The following SPATS2 variants were observed in gnomAD, a reference collection of about 807,000 sequenced individuals.
SPATS2 encodes the protein spermatogenesis-associated serine-rich protein 2.
Under a neutral mutation model 63.7 loss-of-function variants are expected in SPATS2, and 38 were observed. That is an observed-to-expected ratio of 0.60 (90% CI 0.46 to 0.78). The LOEUF (loss-of-function observed/expected upper bound fraction) is 0.78, where lower values mean the gene tolerates loss of function less well. SPATS2 is among the 30% of genes least tolerant of loss of function. The pLI, the probability that SPATS2 is intolerant of heterozygous loss-of-function variation, is 0.00. For synonymous variants in SPATS2, 207 were observed against 232.9 expected, an observed-to-expected ratio of 0.89 and a Z score of 1.01; for missense variants, 588 against 666.2, an observed-to-expected ratio of 0.88 and a Z score of 1.29.
In SPATS2 at chr12:49,373,818, G is replaced by A. The variant is rs1043038886; in HGVS notation, c.-244+2528G>A. On this transcript the variant is annotated intron_variant, in intron 2 of 13. Transcript: ENST00000552918. ...CATACACCTGTAGTCGCAGCTACTC[G>A]GGAGGCAGAAGAATTGCTTGAACCC... Among the ~76,000 whole-genome samples the A allele has an allele frequency of 9.9e-5, 15 of 152,168 alleles. No individual in the cohort carries two copies. The South Asian group carries it at 1.9e-3, about 19-fold the overall frequency.
intron 2 of SPATS2, among the ~76,000 whole-genome samples, chr12:49,416,363 T>C (rs781536936): frequency 1.3e-5 from 2 of 152,168 alleles, no homozygotes; most frequent in Non-Finnish European, 2.9e-5. Context: ...CCTTAACAGC[T>C]GGTGTTTCCA....
At chr12:49,400,596 A>G (rs1944588540) in intron 2 of SPATS2, among the ~76,000 whole-genome samples, 2 of 152,214 alleles carry the variant, frequency 1.3e-5, no homozygotes, top group Admixed American at 1.3e-4. Context: ...GTTCATCTAC[A>G]GTGCATAACA....
intron 2 of SPATS2, among the ~76,000 whole-genome samples, chr12:49,402,567 G>T (rs776160991): frequency 5.3e-5 from 8 of 152,142 alleles, no homozygotes; most frequent in African/African-American, 1.9e-4. Flanking sequence ...CGAGATTGTC[G>T]TATGAGAGGT....
chr12:49,368,841 T>C (rs1382290198), intron 1 of SPATS2, among the ~76,000 whole-genome samples: 1 of 152,194 alleles, frequency 6.6e-6, no homozygotes, highest in African/African-American at 2.4e-5. Context: ...GCATTAAGTT[T>C]TGCTGACTCA....
At chr12:49,390,251 A>G (rs1205567454) in intron 2 of SPATS2, 5 of 788,734 alleles carry the variant, frequency 6.3e-6, no homozygotes, top group Middle Eastern at 4.1e-4. Flanking sequence ...TCAATCCATT[A>G]TTTTTTTCTC....
At chr12:49,374,889 AG>A (rs1293948866) in intron 2 of SPATS2, among the ~76,000 whole-genome samples, 1 of 134,906 alleles carries the variant, frequency 7.4e-6, no homozygotes, top group Non-Finnish European at 1.5e-5. Context: ...TGAACCTGGC[AG>A]GCGGAGGTTG....
At chr12:49,446,237 G>T (rs1945508942) in intron 2 of SPATS2, among the ~76,000 whole-genome samples, 1 of 152,154 alleles carries the variant, frequency 6.6e-6, no homozygotes, top group African/African-American at 2.4e-5. Context: ...TCTTTGTCTG[G>T]TTGCAGTATC....
In SPATS2 at chr12:49,476,501, G is replaced by T. The variant is rs528288848; in HGVS notation, c.26-8089G>T. Reference sequence around the variant, plus strand: ...CCTCTGTCCCTGTGATAAGACAGGGGTCTAATTGACACAACACAAGCTGCC... The same window carrying T: ...CCTCTGTCCCTGTGATAAGACAGGGTTCTAATTGACACAACACAAGCTGCC... On this transcript the variant is annotated intron_variant, in intron 3 of 13. Coordinates refer to ENST00000552918, the MANE Select transcript of SPATS2 (RefSeq NM_023071.4). Among the ~76,000 whole-genome samples the T allele has an allele frequency of 4.5e-4, 69 of 152,270 alleles. 1 individual carries two copies. In the East Asian group the frequency reaches 0.012, roughly 26 times the overall value.
chr12:49,408,545 G>A (rs1030228718), intron 2 of SPATS2, among the ~76,000 whole-genome samples: 1 of 146,180 alleles, frequency 6.8e-6, no homozygotes. Flanking sequence ...GAGCCACTGT[G>A]CCTGGCCTTT....
chr12:49,405,419 T>G (rs114973449), intron 2 of SPATS2, among the ~76,000 whole-genome samples: 1 of 152,156 alleles, frequency 6.6e-6, no homozygotes, highest in Non-Finnish European at 1.5e-5. Context: ...GAGCTTGGGC[T>G]GGGCACCGTG....
intron 9 of SPATS2, among the ~76,000 whole-genome samples, chr12:49,501,139 T>C (rs936090155): frequency 1.3e-5 from 2 of 152,118 alleles, no homozygotes; most frequent in Admixed American, 6.6e-5. Context: ...TTTAAATATT[T>C]TGTAGAAATG....
At chr12:49,383,278 CAA>C (rs1944255541) in intron 2 of SPATS2, among the ~76,000 whole-genome samples, 1 of 151,876 alleles carries the variant, frequency 6.6e-6, no homozygotes, top group Non-Finnish European at 1.5e-5. Context: ...CTCGGCCTCT[CAA>C]AGTGCTGGGA....
At chr12:49,502,235 G>T (rs1946578358) in intron 9 of SPATS2, among the ~76,000 whole-genome samples, 4 of 152,160 alleles carry the variant, frequency 2.6e-5, no homozygotes, top group African/African-American at 9.7e-5. Flanking sequence ...ACATATAAGA[G>T]ATAGAGGAGA....
Position 49,490,724 on chromosome 12 carries a change from A to C in SPATS2, c.257A>C (p.Lys86Thr), listed in dbSNP as rs1946367734. The C allele has an allele frequency of 6.2e-7, 1 of 1,613,836 alleles. No individual in the cohort carries two copies. Among genetic ancestry groups the C allele is most frequent in the Non-Finnish European group, 8.5e-7 (1 of 1,179,912 alleles). The change falls in exon 6 of 14, where the codon AAG becomes ACG. Residue 86 changes from lysine to threonine, a missense_variant. Lys to Thr is a moderately conservative substitution (Grantham distance 78). Coordinates refer to ENST00000552918, the MANE Select transcript of SPATS2 (RefSeq NM_023071.4). Reference sequence around the variant, plus strand: ...CTCAAAGAATGGACAGTAACAGGCAAGAAAAAGGTAAAATGAATTACATTT... The same window carrying C: ...CTCAAAGAATGGACAGTAACAGGCACGAAAAAGGTAAAATGAATTACATTT... ...EVLKEWTVTG[K>T]KKNKKKKNKP... is the part of the protein sequence containing the mutation.
At chr12:49,467,797 G>A (rs1243968662) in intron 3 of SPATS2, among the ~76,000 whole-genome samples, 4 of 151,824 alleles carry the variant, frequency 2.6e-5, no homozygotes, top group African/African-American at 7.3e-5. Context: ...TCTGCCTCCT[G>A]GGTCTATGCC....
At chr12:49,469,517 G>C (rs889946072) in intron 3 of SPATS2, 2 of 403,506 alleles carry the variant, frequency 5.0e-6, no homozygotes, top group Non-Finnish European at 9.5e-6. Flanking sequence ...CTGTGATCCT[G>C]TCACTGCACT....
At chr12:49,483,738 A>G (rs1946244469) in intron 3 of SPATS2, among the ~76,000 whole-genome samples, 1 of 152,142 alleles carries the variant, frequency 6.6e-6, no homozygotes, top group Non-Finnish European at 1.5e-5. Flanking sequence ...CTCCTAAGCT[A>G]CTTCCAAGTA....
chr12:49,500,014 G>A (rs1946536573), intron 8 of SPATS2, 56 bp from the exon 9 acceptor site: 1 of 1,289,994 alleles, frequency 7.8e-7, no homozygotes, highest in Non-Finnish European at 1.0e-6. Flanking sequence ...CGACTTTCAA[G>A]TTACCTATAT....
At chr12:49,504,878 T>G (rs978594126) in intron 9 of SPATS2, among the ~76,000 whole-genome samples, 4 of 145,920 alleles carry the variant, frequency 2.7e-5, no homozygotes, top group Non-Finnish European at 6.0e-5. Context: ...TCCTCCCACC[T>G]CAGCCTCTTG....
Sources: allele counts gnomAD v4.1 joint callset (sites outside exome capture counted in the v4.1 genomes callset), GRCh38; gene constraint gnomAD v4.1.1; transcripts MANE v1.5; gene names NCBI Gene and HGNC (gene_info 2026-07-23, HGNC 2026-07-21).